The following A2M variants were observed in gnomAD, a reference collection of about 807,000 sequenced individuals.
A2M encodes C3 and PZP-like alpha-2-macroglobulin domain-containing protein 5.
In A2M, 128 loss-of-function variants were observed where a neutral mutation model predicts 183.9. The observed-to-expected ratio is 0.70, with a 90% CI of 0.60 to 0.81. The LOEUF (loss-of-function observed/expected upper bound fraction) is 0.81. Among genes scored for constraint, A2M ranks in the 30% least tolerant of loss-of-function variants. The pLI, the probability that A2M is intolerant of heterozygous loss-of-function variation, is 0.00. For missense variants in A2M, 1,495 were observed against 1,787.6 expected (o/e 0.84, Z 2.95); for synonymous variants, 592 against 670.8 (o/e 0.88, Z 1.81).
At chr12:9,098,356 G>A in intron 15 of A2M, 1 of 202,726 alleles carries the variant, frequency 4.9e-6, no homozygotes, top group Admixed American at 6.0e-5. Flanking sequence ...ATCACATTTT[G>A]TCCTTTTAAA....
chr12:9,100,028 A>G (rs1331359598), intron 13 of A2M, among the ~76,000 whole-genome samples: 1 of 152,198 alleles, frequency 6.6e-6, no homozygotes, highest in Non-Finnish European at 1.5e-5. Flanking sequence ...CTGTGTTGCT[A>G]CAAGAACTAA....
At chr12:9,112,802 C>G (rs1259403856) in intron 2 of A2M, 1 of 432,360 alleles carries the variant, frequency 2.3e-6, no homozygotes, top group African/African-American at 2.0e-5. Context: ...AGTCTTGATT[C>G]AATTATACGC....
chr12:9,112,306 T>G, intron 3 of A2M, 71 bp downstream of exon 3: 1 of 1,602,828 alleles, frequency 6.2e-7, no homozygotes, highest in Non-Finnish European at 8.5e-7. Context: ...ATAGGAACTT[T>G]GCCTGGGGAA....
At chr12:9,079,991 G>T in intron 23 of A2M, 103 bp downstream of exon 23, 1 of 939,410 alleles carries the variant, frequency 1.1e-6, no homozygotes. Flanking sequence ...AGAGAAGAAA[G>T]AAGTTAAAAT....
At position 9,067,776 on chromosome 12, in the gene A2M, G is replaced by A. The variant is rs919948973; in HGVS notation, c.*47C>T. The A allele has an allele frequency of 6.9e-6, 11 of 1,594,458 alleles. No homozygotes were observed. In the Admixed American group the frequency reaches 1.0e-4, roughly 15 times the overall value. On this transcript the variant is annotated 3_prime_UTR_variant, in exon 36 of 36. Transcript: ENST00000318602. ...TACAAAAACACGTGTCTTCTGTGGA[G>A]CTCTGAGAACAGGACTCCAGCAAAG...
chr12:9,108,979 TTA>T (rs1938517124), intron 7 of A2M, among the ~76,000 whole-genome samples: 1 of 152,152 alleles, frequency 6.6e-6, no homozygotes, highest in South Asian at 2.1e-4. Flanking sequence ...ATACGTTTGG[TTA>T]TTTTTGGTTA....
Position 9,112,491 on chromosome 12 carries a change from G to T in A2M, c.316C>A (p.Gln106Lys). ...SNEEVMFLTV[Q>K]VKGPTQEFKK... The stretch of plus-strand genomic sequence containing the variant: ...AATTCTTGGGTTGGTCCTTTCACTT[G>T]GACAGTGAGGAACATTACCTCCTCA... The change falls in exon 3 of 36, where the codon CAA becomes AAA. Residue 106 changes from glutamine to lysine, a missense_variant. Gln to Lys is a moderately conservative substitution (Grantham distance 53). Transcript: ENST00000318602. 1.2e-6 allele frequency: 2 copies of T among 1,613,688 alleles called. 1 individual carries two copies. The highest frequency in any genetic ancestry group is 2.2e-5 in the South Asian group (2 of 91,050).
At chr12:9,077,537 A>G (rs1948783284) in intron 26 of A2M, 117 bp from the exon 27 acceptor site, 5 of 1,451,970 alleles carry the variant, frequency 3.4e-6, no homozygotes, top group Non-Finnish European at 4.7e-6. Context: ...CCTATAGGGC[A>G]AAGTATCACA....
In A2M at chr12:9,079,410, G is replaced by C. The variant is rs1467542210; in HGVS notation, c.3032-79C>G. On this transcript the variant is annotated intron_variant, in intron 24 of 35. Coordinates refer to ENST00000318602, the MANE Select transcript of A2M (RefSeq NM_000014.6). ...TGGAGAAATTACTAAAAGTACCTTG[G>C]CTTCTCTTGTGACATTTCTTAAATT... 10 of 1,403,852 alleles carry C rather than the reference G, an allele frequency of 7.1e-6. No homozygotes were observed. The African/African-American group carries it at 1.3e-4, about 18-fold the overall frequency. The allele number at this position is 1,403,852 out of a possible 1,614,324, so 87.0% of individuals were successfully genotyped here.
intron 13 of A2M, 58 bp from the exon 14 acceptor site, chr12:9,099,581 T>C: frequency 1.9e-6 from 3 of 1,542,992 alleles, no homozygotes; most frequent in East Asian, 4.7e-5. Context: ...TTTCCATTAG[T>C]AGATGTAACA....
In A2M at chr12:9,067,813, C is replaced by T. The variant is rs1164622795; in HGVS notation, c.*10G>A. Reference sequence around the variant, plus strand: ...GGACTCCAGCAAAGCACTTTTCAGCCTTGTGGTCTTCAAGCATTTCCAAGA... The same window carrying T: ...GGACTCCAGCAAAGCACTTTTCAGCTTTGTGGTCTTCAAGCATTTCCAAGA... On this transcript the variant is annotated 3_prime_UTR_variant, in exon 36 of 36. Transcript: ENST00000318602. 9.9e-6 allele frequency: 16 copies of T among 1,612,684 alleles called. No homozygotes were observed. The highest frequency in any genetic ancestry group is 1.4e-5 in the Non-Finnish European group (16 of 1,179,418).
At chr12:9,075,176 G>A (rs1215695826) in intron 28 of A2M, among the ~76,000 whole-genome samples, 1 of 152,000 alleles carries the variant, frequency 6.6e-6, no homozygotes, top group Non-Finnish European at 1.5e-5. Flanking sequence ...CAGATCACAT[G>A]AAATAGTAGA....
chr12:9,111,366 G>A (rs369531344), intron 4 of A2M: 27 of 305,768 alleles, frequency 8.8e-5, no homozygotes, highest in Admixed American at 5.0e-4. Context: ...AAGTTAGGCT[G>A]ACAGAGTGAT....
intron 17 of A2M, among the ~76,000 whole-genome samples, chr12:9,094,056 G>A (rs745917461): frequency 2.0e-5 from 3 of 152,042 alleles, no homozygotes; most frequent in Non-Finnish European, 4.4e-5. Flanking sequence ...GGCTGCTGCC[G>A]CTGTGCTAAG....
At chr12:9,104,113 G>T (rs998757913) in intron 11 of A2M, 126 bp downstream of exon 11, 5 of 933,848 alleles carry the variant, frequency 5.4e-6, no homozygotes, top group Non-Finnish European at 6.2e-6. Context: ...ACCTTCAATC[G>T]GTTTCTAATT....
rs757574117 is a variant in A2M, at chr12:9,074,620, G to A, written c.3696C>T (p.Thr1232=). ...APTSEDLTSA[T]NIVKWITKQQ... is the part of the protein sequence containing the mutation. ...GCTTCGTGATCCACTTCACGATGTT[G>A]GTTGCAGAGGTCAGGTCCTCCGAGG... The change falls in exon 29 of 36, where the codon ACC becomes ACT. Residue 1232 remains threonine, a synonymous_variant. Transcript: ENST00000318602. 6.2e-7 allele frequency: 1 copy of A among 1,613,890 alleles called. No homozygotes were observed. The highest frequency in any genetic ancestry group is 1.3e-5 in the African/African-American group (1 of 75,026).
Position 9,113,461 on chromosome 12 carries a change from T to G in A2M, c.169A>C (p.Thr57Pro). ...TCCAAGGAAGCACTTACAGTCACTG[T>G]CTCATTCAGGTAGCTCAGAAGGACA... Reference protein sequence around the residue: ...GCVLLSYLNETVTVSASLESV... With the variant: ...GCVLLSYLNEPVTVSASLESV... The change falls in exon 2 of 36, where the codon ACA becomes CCA. Residue 57 changes from threonine to proline, a missense_variant. By Grantham distance (38) the Thr-to-Pro change is conservative. Transcript: ENST00000318602. 2 of 1,613,856 alleles carry G rather than the reference T, an allele frequency of 1.2e-6. No homozygotes were observed. Among genetic ancestry groups the G allele is most frequent in the Non-Finnish European group, 1.7e-6 (2 of 1,179,922 alleles).
chr12:9,082,928 T>C (rs1182788194), intron 22 of A2M, among the ~76,000 whole-genome samples: 4 of 152,244 alleles, frequency 2.6e-5, no homozygotes, highest in Admixed American at 2.6e-4. Context: ...CCTTTGGGTA[T>C]ATACCCAGTA....
In A2M at chr12:9,074,691, T is replaced by C; in HGVS notation, c.3625A>G (p.Thr1209Ala). Residue 1209 changes from threonine to alanine, a missense_variant, in exon 29 of 36, where the codon ACA (threonine) becomes GCA (alanine). Transcript: ENST00000318602. ...PQAPSAEVEM[T>A]SYVLLAYLTA... ...AGATAAGCGAGGAGCACATAGGATGTCATCTCCACCTCAGCAGAGGGAGCC... is the reference window on the plus strand; with the variant it reads ...AGATAAGCGAGGAGCACATAGGATGCCATCTCCACCTCAGCAGAGGGAGCC... 1 of 1,613,998 alleles carries C rather than the reference T, an allele frequency of 6.2e-7. No individual in the cohort carries two copies. Among genetic ancestry groups the C allele is most frequent in the Middle Eastern group, 1.6e-4 (1 of 6,062 alleles).
Sources: allele counts gnomAD v4.1 joint callset (sites outside exome capture counted in the v4.1 genomes callset), GRCh38; gene constraint gnomAD v4.1.1; transcripts MANE v1.5; gene names NCBI Gene and HGNC (gene_info 2026-07-23, HGNC 2026-07-21).